The following RBMS3 variants were observed in gnomAD, a reference collection of about 807,000 sequenced individuals.
RBMS3 encodes RNA binding motif single stranded interacting protein 3.
Under a neutral mutation model 66.8 loss-of-function variants are expected in RBMS3, and 27 were observed. The ratio of observed to expected loss-of-function variants is 0.40; its 90% confidence interval spans 0.30 to 0.56. The LOEUF (loss-of-function observed/expected upper bound fraction) is 0.56. RBMS3 is among the 20% of genes least tolerant of loss of function. RBMS3 has a pLI of 0.40. For missense variants in RBMS3, 513 were observed against 549.5 expected, an observed-to-expected ratio of 0.93 and a Z score of 0.66; for synonymous variants, 188 against 183.0, an observed-to-expected ratio of 1.03 and a Z score of -0.22.
At chr3:29,993,466 T>C (rs1210906654) in intron 14 of RBMS3, among the ~76,000 whole-genome samples, 1 of 152,150 alleles carries the variant, frequency 6.6e-6, no homozygotes, top group East Asian at 1.9e-4. Flanking sequence ...ACCCATATAT[T>C]TGGCAAAACA....
At chr3:29,827,733 G>A (rs909059547) in intron 6 of RBMS3, among the ~76,000 whole-genome samples, 6 of 152,046 alleles carry the variant, frequency 3.9e-5, no homozygotes, top group African/African-American at 1.4e-4. Flanking sequence ...GCATGTAGCA[G>A]GAACAAGTAA....
At chr3:29,777,441 TTC>T (rs1409595964) in intron 6 of RBMS3, among the ~76,000 whole-genome samples, 3 of 151,962 alleles carry the variant, frequency 2.0e-5, no homozygotes, top group Non-Finnish European at 2.9e-5. Flanking sequence ...ATTGCCTTAA[TTC>T]TCTCTTAATG....
At chr3:29,374,172 CAAG>C (rs768517192) in intron 1 of RBMS3, among the ~76,000 whole-genome samples, 16 of 152,252 alleles carry the variant, frequency 1.1e-4, no homozygotes, top group Non-Finnish European at 1.8e-4. Context: ...CAGAGATCAG[CAAG>C]AAGAAGAGAC....
At chr3:29,586,743 CT>C (rs1179873185) in intron 3 of RBMS3, among the ~76,000 whole-genome samples, 1 of 148,810 alleles carries the variant, frequency 6.7e-6, no homozygotes, top group Non-Finnish European at 1.5e-5. Context: ...TGAAAATTAA[CT>C]TTAGGGAGAG....
intron 6 of RBMS3, among the ~76,000 whole-genome samples, chr3:29,830,267 A>T (rs545891575): frequency 1.3e-5 from 2 of 152,162 alleles, no homozygotes; most frequent in African/African-American, 4.8e-5. Context: ...TTGACTAAAC[A>T]TATCGGTGAT....
intron 7 of RBMS3, chr3:29,880,934 C>G (rs2059722682): frequency 2.7e-6 from 3 of 1,128,576 alleles, no homozygotes. Flanking sequence ...TGGATTTACC[C>G]TCTGTTTTCC....
intron 4 of RBMS3, among the ~76,000 whole-genome samples, chr3:29,678,086 T>C (rs1454195013): frequency 1.3e-5 from 2 of 152,176 alleles, no homozygotes; most frequent in Non-Finnish European, 2.9e-5. Flanking sequence ...GTTACTACAT[T>C]AAGGAACTAG....
chr3:29,648,839 T>TA (rs2050041095), intron 4 of RBMS3, among the ~76,000 whole-genome samples: 1 of 152,176 alleles, frequency 6.6e-6, no homozygotes, highest in East Asian at 1.9e-4. Flanking sequence ...ATGTTATTCT[T>TA]ACATCATTCT....
At chr3:29,876,780 A>G (rs534621164) in intron 7 of RBMS3, among the ~76,000 whole-genome samples, 1 of 152,240 alleles carries the variant, frequency 6.6e-6, no homozygotes, top group Admixed American at 6.5e-5. Flanking sequence ...GTAATGCTCC[A>G]GGGCAAGGCG....
At chr3:29,761,810 C>T (rs944447732) in intron 5 of RBMS3, among the ~76,000 whole-genome samples, 16 of 152,052 alleles carry the variant, frequency 1.1e-4, no homozygotes, top group Non-Finnish European at 4.4e-5. Context: ...GCAGAAAATC[C>T]AAAATTAAAC....
At chr3:29,834,269 G>A (rs1576945757) in intron 6 of RBMS3, among the ~76,000 whole-genome samples, 1 of 152,006 alleles carries the variant, frequency 6.6e-6, no homozygotes, top group East Asian at 1.9e-4. Flanking sequence ...AAACTCACCA[G>A]TAAAAGTAAA....
At position 29,937,111 on chromosome 3, in the gene RBMS3, G is replaced by A. The variant is rs546111360; in HGVS notation, c.1050+915G>A. ...AGGCAGCTTAAATATTGAAGAAAGA[G>A]CACTGGACTAGGAGTCAGAAATCCT... On this transcript the variant is annotated intron_variant, in intron 11 of 14. Coordinates refer to ENST00000383767, the MANE Select transcript of RBMS3 (RefSeq NM_001003793.3). Among the ~76,000 whole-genome samples, 106 of 152,120 alleles carry A rather than the reference G, an allele frequency of 7.0e-4. 1 individual carries two copies. The highest frequency in any genetic ancestry group is 2.4e-3 in the African/African-American group (99 of 41,548).
At chr3:29,292,559 TATTG>T (rs2032906692) in intron 1 of RBMS3, among the ~76,000 whole-genome samples, 1 of 151,850 alleles carries the variant, frequency 6.6e-6, no homozygotes, top group Admixed American at 6.6e-5. Flanking sequence ...TTGGAAATCT[TATTG>T]ATTAATTCTA....
intron 1 of RBMS3, among the ~76,000 whole-genome samples, chr3:29,428,106 G>T (rs1468481645): frequency 6.6e-6 from 1 of 152,038 alleles, no homozygotes; most frequent in Non-Finnish European, 1.5e-5. Flanking sequence ...TTTGTTTACG[G>T]TTTTTTTAGG....
intron 3 of RBMS3, among the ~76,000 whole-genome samples, chr3:29,568,246 A>G (rs151103536): frequency 8.5e-5 from 13 of 152,316 alleles, no homozygotes; most frequent in Admixed American, 4.6e-4. Context: ...GAACAAACAT[A>G]AAAGAGACAG....
chr3:29,847,711 A>G (rs1047583850), intron 6 of RBMS3, among the ~76,000 whole-genome samples: 8 of 151,206 alleles, frequency 5.3e-5, no homozygotes, highest in African/African-American at 1.9e-4. Context: ...GCTGGAGTGC[A>G]GTGGCGCGAT....
intron 1 of RBMS3, among the ~76,000 whole-genome samples, chr3:29,310,766 G>A (rs1054736363): frequency 2.0e-5 from 3 of 151,798 alleles, no homozygotes; most frequent in Admixed American, 6.6e-5. Context: ...AAATTGATGT[G>A]ATGAAAATTT....
rs1491567884 is a variant in RBMS3 at position 29,527,181 on chromosome 3, T to TTAAAAAAAAAAAAAAAAAAAAA, written c.307+38682_307+38683insTAAAAAAAAAAAAAAAAAAAAA. ...TTTCAGACGTGATTGTTAGGTAGAG[T>TTAAAAAAAAAAAAAAAAAAAAA]AAAAAAAAAAAAAAAAAAAAAAAAA... On this transcript the variant is annotated intron_variant, in intron 3 of 14. Coordinates refer to ENST00000383767, the MANE Select transcript of RBMS3 (RefSeq NM_001003793.3). 1.5e-3 allele frequency among the ~76,000 whole-genome samples: 136 copies of TTAAAAAAAAAAAAAAAAAAAAA among 87,816 alleles called. 14 individuals are homozygous for TTAAAAAAAAAAAAAAAAAAAAA. The highest frequency in any genetic ancestry group is 4.3e-3 in the African/African-American group (91 of 21,070). The allele number at this position is 87,816 out of a possible 152,430, so 57.6% of individuals were successfully genotyped here.
At chr3:29,990,415 T>A (rs1428498441) in intron 13 of RBMS3, among the ~76,000 whole-genome samples, 1 of 145,404 alleles carries the variant, frequency 6.9e-6, no homozygotes, top group African/African-American at 2.5e-5. Flanking sequence ...TATTCCTGAT[T>A]GTGACCAATT....
Sources: allele counts gnomAD v4.1 joint callset (sites outside exome capture counted in the v4.1 genomes callset), GRCh38; gene constraint gnomAD v4.1.1; transcripts MANE v1.5; gene names NCBI Gene and HGNC (gene_info 2026-07-23, HGNC 2026-07-21).